Variants in UBE2G1 observed in about 807,000 individuals in gnomAD.
The protein encoded by UBE2G1 is ubiquitin-conjugating enzyme E2 G1.
A neutral mutation model predicts 22.7 loss-of-function variants in UBE2G1; 5 were observed. That is an observed-to-expected ratio of 0.22 (90% CI 0.12 to 0.46). The LOEUF (loss-of-function observed/expected upper bound fraction) is 0.46, where lower values mean the gene tolerates loss of function less well. Among genes scored for constraint, UBE2G1 ranks in the 20% least tolerant of loss-of-function variants. The probability of loss-of-function intolerance (pLI) is 0.99; values close to 1 mark genes in which losing one functional copy is unlikely to be tolerated. For synonymous variants in UBE2G1, 74 were observed against 67.5 expected (o/e 1.10, Z -0.47); for missense variants, 88 against 203.9 (o/e 0.43, Z 3.46).
intron 1 of UBE2G1, among the ~76,000 whole-genome samples, chr17:4,365,145 CTT>C (rs1970017261): frequency 6.6e-6 from 1 of 152,232 alleles, no homozygotes; most frequent in Non-Finnish European, 1.5e-5. Context: ...TCACTCCAGT[CTT>C]TGGCTTCTGC....
At chr17:4,365,379 A>T (rs981327269) in intron 1 of UBE2G1, among the ~76,000 whole-genome samples, 1 of 152,190 alleles carries the variant, frequency 6.6e-6, no homozygotes, top group South Asian at 2.1e-4. Flanking sequence ...CAGTCCTAGC[A>T]GAGTAGGAGC....
intron 5 of UBE2G1, among the ~76,000 whole-genome samples, chr17:4,275,670 AAAAT>A (rs1268689588): frequency 2.0e-5 from 3 of 152,210 alleles, no homozygotes; most frequent in Non-Finnish European, 2.9e-5. Flanking sequence ...GTTAATGACA[AAAAT>A]AAAAGTAATT....
At chr17:4,342,029 C>T (rs1821513438) in intron 1 of UBE2G1, among the ~76,000 whole-genome samples, 1 of 152,176 alleles carries the variant, frequency 6.6e-6, no homozygotes, top group Admixed American at 6.6e-5. Context: ...TTATTGAGCC[C>T]ATCCAACTTC....
chr17:4,290,952 C>A (rs538220302), intron 3 of UBE2G1, among the ~76,000 whole-genome samples: 31 of 152,276 alleles, frequency 2.0e-4, no homozygotes, highest in African/African-American at 7.5e-4. Flanking sequence ...ATATGACAGG[C>A]AAGGCCCGTG....
chr17:4,279,652 G>T (rs370098630), intron 5 of UBE2G1, among the ~76,000 whole-genome samples: 1 of 152,022 alleles, frequency 6.6e-6, no homozygotes, highest in South Asian at 2.1e-4. Context: ...GCTCATGCCC[G>T]TAATCCCAGC....
At chr17:4,302,859 A>G (rs2143723678) in intron 2 of UBE2G1, among the ~76,000 whole-genome samples, 1 of 152,320 alleles carries the variant, frequency 6.6e-6, no homozygotes. Context: ...ATTTGTGAGA[A>G]CTATTTTAGC....
intron 1 of UBE2G1, chr17:4,364,096 C>A (rs1970001591): frequency 6.7e-6 from 1 of 150,014 alleles, no homozygotes. Context: ...AATCCCATCT[C>A]TACTAAAAAT....
intron 1 of UBE2G1, among the ~76,000 whole-genome samples, chr17:4,344,605 C>T (rs1969748706): frequency 1.3e-5 from 2 of 151,712 alleles, no homozygotes; most frequent in African/African-American, 4.8e-5. Flanking sequence ...TGACTCACAC[C>T]TGTAATCCTA....
intron 4 of UBE2G1, 124 bp downstream of exon 4, chr17:4,289,106 T>TACACACACACAC (rs71144179): frequency 6.8e-4 from 351 of 516,034 alleles, no homozygotes; most frequent in African/African-American, 6.3e-3. Flanking sequence ...TGGGAAGAGA[T>TACACACACACAC]ACACACACAC....
At chr17:4,311,255 A>G (rs1402985183) in intron 1 of UBE2G1, among the ~76,000 whole-genome samples, 2 of 152,142 alleles carry the variant, frequency 1.3e-5, no homozygotes, top group Non-Finnish European at 2.9e-5. Flanking sequence ...TTTTAAAAAA[A>G]GTAAAATGAC....
At chr17:4,359,862 A>AC (rs1335527977) in intron 1 of UBE2G1, among the ~76,000 whole-genome samples, 8 of 151,116 alleles carry the variant, frequency 5.3e-5, no homozygotes, top group Non-Finnish European at 1.2e-4. Context: ...AAAAAAAAAA[A>AC]AAAAACAAAC....
chr17:4,302,656 T>C lies in UBE2G1; in HGVS notation c.149+4365A>G, dbSNP rs561275454. On this transcript the variant is annotated intron_variant, in intron 2 of 5. Coordinates refer to ENST00000396981, the MANE Select transcript of UBE2G1 (RefSeq NM_003342.5). ...ATGCCCAGGGTGAGAACCTAAATTATTCCACAAGACAAAGGGAAGAAATAA... is the reference window on the plus strand; with the variant it reads ...ATGCCCAGGGTGAGAACCTAAATTACTCCACAAGACAAAGGGAAGAAATAA... 1.9e-4 allele frequency: 60 copies of C among 319,792 alleles called. No individual in the cohort carries two copies. In the South Asian group the frequency reaches 2.0e-3, roughly 11 times the overall value. 19.8% of individuals were successfully genotyped at this position (319,792 alleles called of 1,614,324 possible).
In UBE2G1 at chr17:4,285,542, C is replaced by T. The variant is rs79994498; in HGVS notation, c.427-2621G>A. Among the ~76,000 whole-genome samples the T allele has an allele frequency of 9.1e-4, 139 of 152,168 alleles. 1 individual carries two copies. In the East Asian group the frequency reaches 0.019, roughly 21 times the overall value. On this transcript the variant is annotated intron_variant, in intron 4 of 5. Coordinates refer to ENST00000396981, the MANE Select transcript of UBE2G1 (RefSeq NM_003342.5). The stretch of plus-strand genomic sequence containing the variant: ...ACTCTAGGATGAAGGAAGAAATCAA[C>T]CAAGAAGAAAAAGAAGAAATGGGAT...
chr17:4,340,859 C>G (rs73330840), intron 1 of UBE2G1, among the ~76,000 whole-genome samples: 1 of 145,804 alleles, frequency 6.9e-6, no homozygotes, highest in Non-Finnish European at 1.5e-5. Context: ...CCTCCCATTT[C>G]GGCCTTCCAC....
At chr17:4,359,858 A>C (rs144858398) in intron 1 of UBE2G1, among the ~76,000 whole-genome samples, 8 of 150,376 alleles carry the variant, frequency 5.3e-5, no homozygotes, top group Non-Finnish European at 1.0e-4. Flanking sequence ...TCTCAAAAAA[A>C]AAAAAAAAAC....
chr17:4,293,643 T>C (rs1969070326), intron 3 of UBE2G1, among the ~76,000 whole-genome samples: 2 of 152,220 alleles, frequency 1.3e-5, no homozygotes, highest in African/African-American at 2.4e-5. Context: ...CAGTAGTGCA[T>C]GGGAGTTCTA....
intron 1 of UBE2G1, chr17:4,364,345 C>A (rs1970006119): frequency 1.6e-5 from 1 of 61,570 alleles, no homozygotes; most frequent in Non-Finnish European, 3.3e-5. Flanking sequence ...GGCTGGAGTG[C>A]AGTGGCGCCA....
chr17:4,279,821 A>G (rs373414857), intron 5 of UBE2G1, among the ~76,000 whole-genome samples: 1 of 19,546 alleles, frequency 5.1e-5, no homozygotes, highest in African/African-American at 7.1e-5. Flanking sequence ...ATATATATAT[A>G]TATATATATA....
At chr17:4,348,911 G>A (rs185502605) in intron 1 of UBE2G1, among the ~76,000 whole-genome samples, 44 of 151,512 alleles carry the variant, frequency 2.9e-4, no homozygotes, top group African/African-American at 9.9e-4. Context: ...TAATAGGGCC[G>A]GGCACGGTCG....
Sources: gnomAD v4.1 joint callset for allele counts (sites outside exome capture counted in the v4.1 genomes callset) on GRCh38, gnomAD v4.1.1 for gene constraint, MANE v1.5 for transcripts, NCBI Gene and HGNC (gene_info 2026-07-23, HGNC 2026-07-21) for gene names.